The following RBMS3 variants were observed in gnomAD, a reference collection of about 807,000 sequenced individuals.
RBMS3 encodes RNA-binding motif, single-stranded-interacting protein 3.
In RBMS3, 27 loss-of-function variants were observed where a neutral mutation model predicts 66.8. That is an observed-to-expected ratio of 0.40 (90% CI 0.30 to 0.56). The LOEUF (loss-of-function observed/expected upper bound fraction) is 0.56. RBMS3 is among the 20% of genes least tolerant of loss of function. RBMS3 has a pLI of 0.40. For synonymous variants in RBMS3, 188 were observed against 183.0 expected, an observed-to-expected ratio of 1.03 and a Z score of -0.22; for missense variants, 513 against 549.5, an observed-to-expected ratio of 0.93 and a Z score of 0.66.
intron 1 of RBMS3, among the ~76,000 whole-genome samples, chr3:29,396,978 T>A (rs945734260): frequency 9.2e-5 from 14 of 152,196 alleles, no homozygotes; most frequent in African/African-American, 4.8e-5. Context: ...ATTTTCATTT[T>A]TTATTATTTA....
At chr3:29,750,816 G>T (rs1166003925) in intron 5 of RBMS3, among the ~76,000 whole-genome samples, 1 of 152,200 alleles carries the variant, frequency 6.6e-6, no homozygotes, top group East Asian at 1.9e-4. Context: ...CCAAATAAGT[G>T]TTATATGTCT....
At chr3:29,337,778 A>C (rs558398566) in intron 1 of RBMS3, among the ~76,000 whole-genome samples, 1 of 152,296 alleles carries the variant, frequency 6.6e-6, no homozygotes, top group East Asian at 1.9e-4. Context: ...GCACAAATAA[A>C]AAACAACCTT....
intron 4 of RBMS3, among the ~76,000 whole-genome samples, chr3:29,718,858 C>T (rs1279895053): frequency 3.3e-5 from 5 of 152,162 alleles, no homozygotes; most frequent in African/African-American, 1.2e-4. Context: ...AACAACGTAT[C>T]CCTGGATACA....
chr3:29,416,976 G>GA (rs33997603), intron 1 of RBMS3, among the ~76,000 whole-genome samples: 2 of 151,620 alleles, frequency 1.3e-5, no homozygotes, highest in Non-Finnish European at 2.9e-5. Flanking sequence ...ACTATCACTA[G>GA]AAAAAAAAGT....
At chr3:29,315,265 T>C (rs948717196) in intron 1 of RBMS3, among the ~76,000 whole-genome samples, 1 of 151,798 alleles carries the variant, frequency 6.6e-6, no homozygotes, top group Non-Finnish European at 1.5e-5. Flanking sequence ...ATTTATTTCA[T>C]TTAACTACAG....
chr3:29,414,722 G>A (rs144221641), intron 1 of RBMS3, among the ~76,000 whole-genome samples: 135 of 152,232 alleles, frequency 8.9e-4, no homozygotes, highest in South Asian at 2.9e-3. Context: ...AAAATGATAA[G>A]GGTATAAAGA....
At chr3:29,365,317 G>T (rs1559520629) in intron 1 of RBMS3, among the ~76,000 whole-genome samples, 1 of 150,792 alleles carries the variant, frequency 6.6e-6, no homozygotes, top group Non-Finnish European at 1.5e-5. Flanking sequence ...CAAATTAGGA[G>T]ATATATATAT....
chr3:29,715,389 A>T (rs913168236), intron 4 of RBMS3, among the ~76,000 whole-genome samples: 2 of 152,128 alleles, frequency 1.3e-5, no homozygotes, highest in Non-Finnish European at 1.5e-5. Context: ...AGTTTTTGTA[A>T]CTCAAATCCT....
At chr3:29,841,154 G>T (rs143559562) in intron 6 of RBMS3, among the ~76,000 whole-genome samples, 8 of 151,416 alleles carry the variant, frequency 5.3e-5, no homozygotes, top group Non-Finnish European at 1.0e-4. Flanking sequence ...TTTACCTGTG[G>T]TTCCAGTTTT....
Position 29,464,058 on chromosome 3 carries a change from A to T in RBMS3, c.249-24383A>T, listed in dbSNP as rs184274903. 3.6e-3 allele frequency among the ~76,000 whole-genome samples: 550 copies of T among 152,280 alleles called. 2 individuals are homozygous for T. The highest frequency in any genetic ancestry group is 0.013 in the African/African-American group (527 of 41,556). On this transcript the variant is annotated intron_variant, in intron 2 of 14. Transcript: ENST00000383767. ...AATTGAGGTCTTTGAGACCTTCAAG[A>T]TCTTTAGTGATCTTGTTTTTTCTCG...
chr3:29,385,905 A>G (rs1246891331), intron 1 of RBMS3, among the ~76,000 whole-genome samples: 1 of 152,078 alleles, frequency 6.6e-6, no homozygotes, highest in Non-Finnish European at 1.5e-5. Flanking sequence ...TTTAAATCTC[A>G]TTATGAACTA....
intron 2 of RBMS3, among the ~76,000 whole-genome samples, chr3:29,459,353 C>CA (rs2042297425): frequency 6.6e-6 from 1 of 152,164 alleles, no homozygotes; most frequent in South Asian, 2.1e-4. Context: ...GCTTGACTAG[C>CA]ATTTAAGAAC....
chr3:29,861,097 T>C (rs2059204051), intron 6 of RBMS3, among the ~76,000 whole-genome samples: 1 of 152,126 alleles, frequency 6.6e-6, no homozygotes, highest in African/African-American at 2.4e-5. Context: ...TCTTCTGACC[T>C]CGTGATCATT....
At position 29,666,595 on chromosome 3, in the gene RBMS3, T is replaced by G. The variant is rs532730774; in HGVS notation, c.400-73125T>G. 2.0e-5 allele frequency among the ~76,000 whole-genome samples: 3 copies of G among 151,090 alleles called. No homozygotes were observed. The East Asian group carries it at 5.9e-4, about 30-fold the overall frequency. ...CCTTTTTATACTTGAATGGAGGGAA[T>G]GGCACATACATAATCAAATATACGA... is the stretch of plus-strand genomic sequence containing the variant. On this transcript the variant is annotated intron_variant, in intron 4 of 14. Transcript: ENST00000383767.
chr3:29,725,500 A>G (rs1407180884), intron 4 of RBMS3, among the ~76,000 whole-genome samples: 1 of 152,120 alleles, frequency 6.6e-6, no homozygotes, highest in African/African-American at 2.4e-5. Context: ...AGAAAGAGAG[A>G]AGAATAAAAT....
At chr3:29,851,469 T>C (rs1304678957) in intron 6 of RBMS3, among the ~76,000 whole-genome samples, 1 of 152,174 alleles carries the variant, frequency 6.6e-6, no homozygotes, top group Non-Finnish European at 1.5e-5. Flanking sequence ...TTAAACTCTC[T>C]CATCTTTAGG....
chr3:29,655,835 T>G (rs1210165729), intron 4 of RBMS3, among the ~76,000 whole-genome samples: 3 of 152,088 alleles, frequency 2.0e-5, no homozygotes, highest in African/African-American at 7.2e-5. Flanking sequence ...CCCTAAAGAC[T>G]TCTCGTGGAG....
chr3:29,833,931 GA>G (rs947338465), intron 6 of RBMS3, among the ~76,000 whole-genome samples: 1 of 151,350 alleles, frequency 6.6e-6, no homozygotes, highest in East Asian at 1.9e-4. Flanking sequence ...AAAGCGCCAA[GA>G]AAAAAAACAT....
chr3:29,744,785 G>GGGA (rs34726699), intron 5 of RBMS3, among the ~76,000 whole-genome samples: 1 of 138,196 alleles, frequency 7.2e-6, no homozygotes, highest in Non-Finnish European at 1.6e-5. Flanking sequence ...CTCCGTCTCG[G>GGGA]AAAAAAAAAA....
Sources: allele counts gnomAD v4.1 joint callset (sites outside exome capture counted in the v4.1 genomes callset), GRCh38; gene constraint gnomAD v4.1.1; transcripts MANE v1.5; gene names NCBI Gene and HGNC (gene_info 2026-07-23, HGNC 2026-07-21).